Variants in ZNF469 observed in about 807,000 individuals in gnomAD.
The protein encoded by ZNF469 is zinc finger protein 469.
In ZNF469, 1 loss-of-function variant was observed where a neutral mutation model predicts 1.0. That is an observed-to-expected ratio of 1.00 (90% CI 0.35 to 4.73). ZNF469 has a LOEUF of 4.73. Among genes scored for constraint, ZNF469 ranks in the 30% most tolerant of loss-of-function variants. The pLI, the probability that ZNF469 is intolerant of heterozygous loss-of-function variation, is 0.16. For synonymous variants in ZNF469, 2,703 were observed against 2,363.4 expected (o/e 1.14, Z -4.17); for missense variants, 6,100 against 5,356.3 (o/e 1.14, Z -4.33).
chr16:88,292,683 G>A, the ZNF469 span, among the ~76,000 whole-genome samples: 1 of 151,748 alleles, frequency 6.6e-6, no homozygotes, highest in South Asian at 2.1e-4. Context: ...TCTGCCCATT[G>A]TGAAGCGCCT....
upstream of ZNF469, among the ~76,000 whole-genome samples, chr16:88,380,836 TCACA>T (rs1290752323): frequency 3.3e-5 from 3 of 91,468 alleles, no homozygotes; most frequent in Non-Finnish European, 6.9e-5. Context: ...ACACACGCAC[TCACA>T]CAGACATGCA....
At chr16:88,117,696 G>C in the ZNF469 span, among the ~76,000 whole-genome samples, 4 of 152,220 alleles carry the variant, frequency 2.6e-5, no homozygotes, top group Non-Finnish European at 5.9e-5. Flanking sequence ...GGGGACCGTG[G>C]AAGAGGGGCT....
the ZNF469 span, among the ~76,000 whole-genome samples, chr16:88,284,103 G>A: frequency 2.5e-4 from 5 of 20,338 alleles, no homozygotes; most frequent in Admixed American, 8.9e-4. Context: ...GGTAGACCCC[G>A]AGTGTGCCTG....
chr16:88,194,059 T>C, the ZNF469 span, among the ~76,000 whole-genome samples: 4 of 151,968 alleles, frequency 2.6e-5, no homozygotes, highest in Non-Finnish European at 5.9e-5. Flanking sequence ...ACCTGCAGAG[T>C]GTGGCTTGGT....
chr16:88,404,214 C>T (rs1302997353), intron 1 of ZNF469, among the ~76,000 whole-genome samples: 1 of 152,248 alleles, frequency 6.6e-6, no homozygotes, highest in African/African-American at 2.4e-5. Context: ...GGTGCTGGCC[C>T]CTGGGCAGCC....
At chr16:88,232,075 C>T in the ZNF469 span, among the ~76,000 whole-genome samples, 1,244 of 152,178 alleles carry the variant, frequency 8.2e-3, 9 homozygotes, top group Non-Finnish European at 0.012. Flanking sequence ...GCAGGGCGGG[C>T]GCGAGGAGGG....
At chr16:88,351,744 G>T in the ZNF469 span, among the ~76,000 whole-genome samples, 5 of 151,678 alleles carry the variant, frequency 3.3e-5, no homozygotes, top group South Asian at 1.0e-3. Flanking sequence ...CCACCAGCAG[G>T]GTGCAGGGGG....
Position 88,431,312 on chromosome 16 carries a change from CGGGA to C in ZNF469, c.3843_3846del (p.Gly1282AlafsTer272). 6.5e-7 allele frequency: 1 copy of C among 1,549,894 alleles called. No individual in the cohort carries two copies. Among genetic ancestry groups the C allele is most frequent in the Non-Finnish European group, 8.7e-7 (1 of 1,146,768 alleles). Reference sequence around the variant, plus strand: ...CATGACACCGGCACCCCCAAGCCGTCGGGAAGCCTCGCCAACACGGCGCCCCACG... The same window carrying C: ...CATGACACCGGCACCCCCAAGCCGTCAGCCTCGCCAACACGGCGCCCCACG... On this transcript the variant is annotated frameshift_variant, in exon 3 of 3. Coordinates refer to ENST00000565624, the MANE Select transcript of ZNF469 (RefSeq NM_001367624.2). LOFTEE classifies it low-confidence loss of function (END_TRUNC).
chr16:88,324,632 C>G, the ZNF469 span, among the ~76,000 whole-genome samples: 1 of 152,230 alleles, frequency 6.6e-6, no homozygotes, highest in Non-Finnish European at 1.5e-5. Context: ...ACAGGGAGTG[C>G]GCCAGGGTGA....
chr16:88,238,712 G>A, the ZNF469 span, among the ~76,000 whole-genome samples: 1 of 152,216 alleles, frequency 6.6e-6, no homozygotes, highest in Non-Finnish European at 1.5e-5. Flanking sequence ...AAACCATGGA[G>A]ATCCCAGCCT....
At chr16:88,296,622 A>G in the ZNF469 span, among the ~76,000 whole-genome samples, 3 of 151,828 alleles carry the variant, frequency 2.0e-5, no homozygotes, top group Non-Finnish European at 2.9e-5. Flanking sequence ...GCTCACACTC[A>G]TGCACACTCA....
In ZNF469 at chr16:88,429,591, T is replaced by A. The variant is rs1386000797; in HGVS notation, c.2121T>A (p.Arg707=). The A allele has an allele frequency of 5.2e-6, 8 of 1,549,570 alleles. No individual in the cohort carries two copies. Among genetic ancestry groups the A allele is most frequent in the Non-Finnish European group, 7.0e-6 (8 of 1,146,620 alleles). Residue 707 remains arginine (R), a synonymous_variant, in exon 3 of 3, where the codon CGT becomes CGA. Coordinates refer to ENST00000565624, the MANE Select transcript of ZNF469 (RefSeq NM_001367624.2). Reference sequence around the variant, plus strand: ...GGGGAGGGCTGCAGGGCTTCCCCCGTGCGCCGCCTCCGTACCCCACACACC... The same window carrying A: ...GGGGAGGGCTGCAGGGCTTCCCCCGAGCGCCGCCTCCGTACCCCACACACC... ...VGRGGLQGFP[R]APPPYPTHHF... is the part of the protein sequence containing the mutation.
At chr16:88,325,298 C>T in the ZNF469 span, among the ~76,000 whole-genome samples, 3 of 150,206 alleles carry the variant, frequency 2.0e-5, no homozygotes, top group South Asian at 2.1e-4. Context: ...AGGTGCACCC[C>T]GGGGGGCCGC....
chr16:88,414,189 C>G (rs952367957), intron 1 of ZNF469, among the ~76,000 whole-genome samples: 32 of 152,228 alleles, frequency 2.1e-4, no homozygotes, highest in African/African-American at 7.7e-4. Context: ...AGAGTCCAAC[C>G]TTGGGAGCCC....
intron 1 of ZNF469, among the ~76,000 whole-genome samples, chr16:88,409,563 C>T (rs975009294): frequency 6.6e-6 from 1 of 152,100 alleles, no homozygotes; most frequent in African/African-American, 2.4e-5. Flanking sequence ...GGGGGCCAGC[C>T]GGGGAGGGGT....
upstream of ZNF469, among the ~76,000 whole-genome samples, chr16:88,378,442 C>T (rs376815609): frequency 8.5e-4 from 130 of 152,286 alleles, 1 homozygote; most frequent in South Asian, 0.016. Context: ...TGTGCTTGCA[C>T]GCATCGTAAC....
rs1003896034 is a variant in ZNF469 at position 88,436,302 on chromosome 16, C to T, written c.8832C>T (p.Leu2944=). Residue 2944 remains leucine, a synonymous_variant, in exon 3 of 3, where the codon CTC becomes CTT. Coordinates refer to ENST00000565624, the MANE Select transcript of ZNF469 (RefSeq NM_001367624.2). ...AGTCCTTCCTCCTGGATGGGTTCCT[C>T]AATAGCAGGGTGCCTGGCATTGACC... is the stretch of plus-strand genomic sequence containing the variant. The part of the protein sequence containing the change: ...LPESFLLDGF[L]NSRVPGIDPW... 6 of 1,549,776 alleles carry T rather than the reference C, an allele frequency of 3.9e-6. No homozygotes were observed. Among genetic ancestry groups the T allele is most frequent in the South Asian group, 1.2e-5 (1 of 84,060 alleles).
chr16:88,362,651 A>T, the ZNF469 span, among the ~76,000 whole-genome samples: 1 of 152,154 alleles, frequency 6.6e-6, no homozygotes, highest in East Asian at 1.9e-4. Context: ...TTTTGGTGCC[A>T]TTTATCTTTG....
At position 88,429,951 on chromosome 16, in the gene ZNF469, C is replaced by T. The variant is rs1906017391; in HGVS notation, c.2481C>T (p.Leu827=). ...LPSLAATPFP[L]PASDLDMEDD... is the part of the protein sequence containing the mutation. ...GCCTGGCCGCCACCCCCTTCCCGCTCCCTGCCTCGGACCTGGACATGGAGG... is the reference window on the plus strand; with the variant it reads ...GCCTGGCCGCCACCCCCTTCCCGCTTCCTGCCTCGGACCTGGACATGGAGG... The change falls in exon 3 of 3, where the codon CTC becomes CTT. Residue 827 remains leucine (L), a synonymous_variant. Transcript: ENST00000565624. 1.3e-6 allele frequency: 2 copies of T among 1,550,224 alleles called. No homozygotes were observed. Among genetic ancestry groups the T allele is most frequent in the South Asian group, 2.4e-5 (2 of 84,060 alleles).
Sources: gnomAD v4.1 joint callset for allele counts (sites outside exome capture counted in the v4.1 genomes callset) on GRCh38, gnomAD v4.1.1 for gene constraint, MANE v1.5 for transcripts, NCBI Gene and HGNC (gene_info 2026-07-23, HGNC 2026-07-21) for gene names.